The following ADCY10 variants were observed in gnomAD, a reference collection of about 807,000 sequenced individuals.
The protein encoded by ADCY10 is adenylate cyclase type 10.
In ADCY10, 156 loss-of-function variants were observed where a neutral mutation model predicts 183.3. The ratio of observed to expected loss-of-function variants is 0.85; its 90% CI spans 0.75 to 0.97. The LOEUF (loss-of-function observed/expected upper bound fraction) is 0.97. Ranked by LOEUF, ADCY10 falls within the 50% of genes least tolerant of loss-of-function variation. ADCY10 has a pLI of 0.00. For missense variants in ADCY10, 1,745 were observed against 1,934.3 expected (o/e 0.90, Z 1.84); for synonymous variants, 645 against 670.0 (o/e 0.96, Z 0.58).
At chr1:167,879,671 C>T (rs1667739211) in intron 11 of ADCY10, among the ~76,000 whole-genome samples, 1 of 151,924 alleles carries the variant, frequency 6.6e-6, no homozygotes, top group African/African-American at 2.4e-5. Context: ...AATCTTAAAC[C>T]CTGATAGGAT....
At chr1:167,823,743 A>C (rs897473076) in intron 28 of ADCY10, among the ~76,000 whole-genome samples, 1 of 152,204 alleles carries the variant, frequency 6.6e-6, no homozygotes, top group African/African-American at 2.4e-5. Context: ...ACACACCCCT[A>C]TCCAGGACTA....
intron 6 of ADCY10, among the ~76,000 whole-genome samples, chr1:167,898,555 C>T (rs956141458): frequency 2.0e-5 from 3 of 150,694 alleles, no homozygotes; most frequent in East Asian, 1.9e-4. Flanking sequence ...GCCGAGATCA[C>T]GCCATTGCAC....
intron 2 of ADCY10, 50 bp downstream of exon 2, chr1:167,904,943 C>A: frequency 6.2e-7 from 1 of 1,613,600 alleles, no homozygotes; most frequent in Non-Finnish European, 8.5e-7. Context: ...TGAATTCCCA[C>A]GCGAGCCTGT....
intron 1 of ADCY10, 114 bp from the exon 2 acceptor site, chr1:167,905,312 G>A: frequency 1.2e-6 from 1 of 816,860 alleles, no homozygotes; most frequent in Non-Finnish European, 2.0e-6. Context: ...TGGTGAAAAT[G>A]CCAGAGTTGT....
chr1:167,850,010 G>A (rs1358766222), intron 18 of ADCY10, among the ~76,000 whole-genome samples: 3 of 152,080 alleles, frequency 2.0e-5, no homozygotes, highest in African/African-American at 7.2e-5. Context: ...ACCATAATAT[G>A]AAGACTGGAC....
intron 18 of ADCY10, 120 bp from the exon 19 acceptor site, chr1:167,848,609 C>T: frequency 9.0e-7 from 1 of 1,115,762 alleles, no homozygotes; most frequent in Non-Finnish European, 1.3e-6. Flanking sequence ...TGTATATTGG[C>T]TCACCAAATA....
At chr1:167,857,918 T>C (rs1022440632) in intron 16 of ADCY10, among the ~76,000 whole-genome samples, 5 of 152,120 alleles carry the variant, frequency 3.3e-5, no homozygotes, top group African/African-American at 7.2e-5. Context: ...ACTAAACAGG[T>C]TCCTAGGCCC....
At position 167,810,869 on chromosome 1, in the gene ADCY10, A is replaced by G. The variant is rs1662163339; in HGVS notation, c.4527T>C (p.Phe1509=). ...LVAQNTTGPV[F]CPRLYHLMAY... ...CCATCAGGTGGTAGAGCCTTGGGCA[A>G]AAGACAGGGCCAGTGGTATTTTGAG... Residue 1509 remains phenylalanine (F), a synonymous_variant, in exon 32 of 33, where the codon TTT becomes TTC. Transcript: ENST00000367851. 1 of 1,614,096 alleles carries G rather than the reference A, an allele frequency of 6.2e-7. No homozygotes were observed. Among genetic ancestry groups the G allele is most frequent in the Admixed American group, 1.7e-5 (1 of 60,004 alleles).
At chr1:167,872,988 T>G (rs779658083) in intron 13 of ADCY10, among the ~76,000 whole-genome samples, 2 of 151,796 alleles carry the variant, frequency 1.3e-5, no homozygotes, top group Non-Finnish European at 2.9e-5. Context: ...AAGAATCGCT[T>G]GAACCCGGGA....
chr1:167,901,642 A>G lies in ADCY10; in HGVS notation c.436+20T>C, dbSNP rs1352529815. On this transcript the variant is annotated intron_variant, in intron 5 of 32. Transcript: ENST00000367851. ...CCCTATCCCAGCTGCCGTAGGATTT[A>G]TTCCTTCTCAAATGCTTACCTATCT... The G allele has an allele frequency of 1.2e-6, 2 of 1,613,350 alleles. No homozygotes were observed. Among genetic ancestry groups the G allele is most frequent in the South Asian group, 1.1e-5 (1 of 91,072 alleles).
At chr1:167,825,626 T>C (rs1258548774) in intron 26 of ADCY10, among the ~76,000 whole-genome samples, 1 of 151,660 alleles carries the variant, frequency 6.6e-6, no homozygotes, top group African/African-American at 2.4e-5. Context: ...TACAAAAGAT[T>C]TTAAAAAAAA....
chr1:167,875,398 T>C (rs1228895093), intron 12 of ADCY10, among the ~76,000 whole-genome samples: 1 of 149,190 alleles, frequency 6.7e-6, no homozygotes, highest in Non-Finnish European at 1.5e-5. Flanking sequence ...AGCATCTGTT[T>C]CCATAGCATC....
intron 31 of ADCY10, 80 bp from the exon 32 acceptor site, chr1:167,810,993 T>C: frequency 1.5e-6 from 2 of 1,327,680 alleles, no homozygotes; most frequent in Non-Finnish European, 2.1e-6. Flanking sequence ...CACAGATGAT[T>C]TGGGAACATT....
rs749384968 is a variant in ADCY10, at chr1:167,846,283, C to A, written c.2438-20G>T. The A allele has an allele frequency of 6.3e-5, 101 of 1,613,718 alleles. 2 individuals are homozygous for A. The Admixed American group carries it at 1.6e-3, about 25-fold the overall frequency. Reference sequence around the variant, plus strand: ...AGATTTCTGCAGGTAGAAGGCCACACAGTAGAAAACTAGTTATTTATCTTT... The same window carrying A: ...AGATTTCTGCAGGTAGAAGGCCACAAAGTAGAAAACTAGTTATTTATCTTT... On this transcript the variant is annotated intron_variant, in intron 19 of 32. Transcript: ENST00000367851.
At chr1:167,825,839 A>C (rs1476947771) in intron 26 of ADCY10, among the ~76,000 whole-genome samples, 2 of 152,178 alleles carry the variant, frequency 1.3e-5, no homozygotes, top group Admixed American at 6.5e-5. Flanking sequence ...GAAACTGGTT[A>C]CTCTAAACAA....
chr1:167,822,851 G>A (rs2101862689), intron 29 of ADCY10, among the ~76,000 whole-genome samples, 157 bp downstream of exon 29: 1 of 152,116 alleles, frequency 6.6e-6, no homozygotes, highest in East Asian at 1.9e-4. Context: ...GCTAGACAGT[G>A]CTTCAGCTCA....
At chr1:167,861,108 A>G (rs201583491) in intron 14 of ADCY10, 45 bp from the exon 15 acceptor site, 6 of 1,520,802 alleles carry the variant, frequency 3.9e-6, no homozygotes, top group East Asian at 4.8e-5. Flanking sequence ...TTTTAAATAT[A>G]TATTTTTGAA....
chr1:167,871,143 A>C (rs1190437252), intron 13 of ADCY10, among the ~76,000 whole-genome samples: 3 of 152,128 alleles, frequency 2.0e-5, no homozygotes, highest in Non-Finnish European at 4.4e-5. Context: ...TTAGGAAATA[A>C]ATTTATTAAA....
At chr1:167,871,970 T>C (rs1571360136) in intron 13 of ADCY10, among the ~76,000 whole-genome samples, 2 of 152,314 alleles carry the variant, frequency 1.3e-5, no homozygotes, top group South Asian at 2.1e-4. Context: ...TGTATACATA[T>C]GTAACAAACC....
Sources: gnomAD v4.1 joint callset for allele counts (sites outside exome capture counted in the v4.1 genomes callset) on GRCh38, gnomAD v4.1.1 for gene constraint, MANE v1.5 for transcripts, NCBI Gene and HGNC (gene_info 2026-07-23, HGNC 2026-07-21) for gene names.